SEMA4D: variants seen among roughly 807,000 people sequenced by gnomAD.
SEMA4D encodes the protein semaphorin-4D.
In SEMA4D, 22 loss-of-function variants were observed where a neutral mutation model predicts 74.8. The observed-to-expected ratio is 0.29, with a 90% CI of 0.21 to 0.42. The LOEUF is 0.42. SEMA4D is among the 10% of genes least tolerant of loss of function. The pLI is 1.00. For synonymous variants in SEMA4D, 445 were observed against 463.7 expected (o/e 0.96, Z 0.52); for missense variants, 937 against 1,118.4 (o/e 0.84, Z 2.31).
intron 16 of SEMA4D, chr9:89,364,177 C>T (rs1004894030): frequency 7.1e-6 from 6 of 848,854 alleles, no homozygotes; most frequent in Non-Finnish European, 1.1e-5. Context: ...ACCTTAATTG[C>T]CATTTTTCAA....
chr9:89,366,439 G>C (rs1833684586), intron 16 of SEMA4D, among the ~76,000 whole-genome samples: 1 of 152,176 alleles, frequency 6.6e-6, no homozygotes, highest in Non-Finnish European at 1.5e-5. Context: ...CTCCAAAACT[G>C]TTTTGCCTGG....
intron 16 of SEMA4D, among the ~76,000 whole-genome samples, chr9:89,366,366 A>AT (rs1215762601): frequency 6.6e-6 from 1 of 152,166 alleles, no homozygotes; most frequent in African/African-American, 2.4e-5. Flanking sequence ...TATAATAATA[A>AT]TTTTTTATAA....
chr9:89,446,217 C>T (rs1044333792), intron 2 of SEMA4D, among the ~76,000 whole-genome samples: 7 of 152,162 alleles, frequency 4.6e-5, no homozygotes, highest in Admixed American at 3.3e-4. Flanking sequence ...CCTCTGTGCC[C>T]GATCTCCCTC....
At chr9:89,478,776 A>ACCCCT (rs1563986862) in intron 1 of SEMA4D, among the ~76,000 whole-genome samples, 2 of 72,382 alleles carry the variant, frequency 2.8e-5, no homozygotes, top group African/African-American at 5.4e-5. Context: ...ACCCCACCCC[A>ACCCCT]CCCCACCCCA....
chr9:89,469,672 T>C (rs1213052617), intron 1 of SEMA4D, among the ~76,000 whole-genome samples: 1 of 152,180 alleles, frequency 6.6e-6, no homozygotes, highest in Non-Finnish European at 1.5e-5. Flanking sequence ...CACAGGCATA[T>C]CAATTTATAC....
chr9:89,371,984 G>A (rs1438420671), intron 16 of SEMA4D, among the ~76,000 whole-genome samples: 2 of 126,716 alleles, frequency 1.6e-5, no homozygotes, highest in Non-Finnish European at 1.7e-5. Flanking sequence ...GTGTGTGTCT[G>A]GGGTGTGGTG....
At chr9:89,401,302 C>T (rs537673037) in intron 4 of SEMA4D, among the ~76,000 whole-genome samples, 1 of 152,320 alleles carries the variant, frequency 6.6e-6, no homozygotes, top group African/African-American at 2.4e-5. Flanking sequence ...AGTAATCCGC[C>T]TACCTCGACC....
Position 89,491,942 on chromosome 9 carries a change from G to A in SEMA4D, c.-310+5977C>T, listed in dbSNP as rs185534462. Reference sequence around the variant, plus strand: ...ATGGGGATCCTTCACCAAAGGGGCGGCCCCAGCCAGTCTCTGTCCCTCCCA... The same window carrying A: ...ATGGGGATCCTTCACCAAAGGGGCGACCCCAGCCAGTCTCTGTCCCTCCCA... On this transcript the variant is annotated intron_variant, in intron 1 of 15. Coordinates refer to ENST00000422704, the MANE Select transcript of SEMA4D (RefSeq NM_001371194.2). Among the ~76,000 whole-genome samples the A allele has an allele frequency of 7.2e-5, 11 of 151,830 alleles. No homozygotes were observed. The East Asian group carries it at 2.1e-3, about 30-fold the overall frequency.
chr9:89,372,904 A>G (rs1172330380), downstream of SEMA4D, among the ~76,000 whole-genome samples: 2 of 152,118 alleles, frequency 1.3e-5, no homozygotes, highest in Admixed American at 6.5e-5. Flanking sequence ...TGCCAGGGCC[A>G]TCAGTGGATC....
intron 1 of SEMA4D, among the ~76,000 whole-genome samples, chr9:89,466,002 G>A (rs1424488142): frequency 6.6e-6 from 1 of 152,218 alleles, no homozygotes; most frequent in African/African-American, 2.4e-5. Context: ...GGAGGCAGGG[G>A]GGAAGGTGGG....
chr9:89,455,730 C>T (rs1225372352), intron 2 of SEMA4D, among the ~76,000 whole-genome samples, 158 bp downstream of exon 2: 1 of 152,242 alleles, frequency 6.6e-6, no homozygotes, highest in African/African-American at 2.4e-5. Context: ...CAGAGACAGG[C>T]CTTCCTCCCT....
intron 2 of SEMA4D, among the ~76,000 whole-genome samples, chr9:89,454,061 G>A (rs11265902): frequency 0.17 from 25,383 of 152,024 alleles, 2,667 homozygotes; most frequent in Middle Eastern, 0.26. Flanking sequence ...GTTTCACCAC[G>A]TTAGCCAGGA....
intron 18 of SEMA4D, among the ~76,000 whole-genome samples, chr9:89,363,275 C>A (rs368390278): frequency 1.3e-5 from 2 of 152,164 alleles, no homozygotes; most frequent in Admixed American, 6.5e-5. Context: ...TTTCCCCCCC[C>A]AGTGTTGCAG....
At chr9:89,485,350 C>G (rs1476311760) in intron 1 of SEMA4D, among the ~76,000 whole-genome samples, 5 of 152,106 alleles carry the variant, frequency 3.3e-5, no homozygotes, top group African/African-American at 9.7e-5. Context: ...CAGTAGCTGC[C>G]CAGGTTATAT....
At chr9:89,425,837 T>C (rs1284327389) in intron 2 of SEMA4D, among the ~76,000 whole-genome samples, 1 of 152,202 alleles carries the variant, frequency 6.6e-6, no homozygotes, top group African/African-American at 2.4e-5. Flanking sequence ...CCCAGGACCA[T>C]GACTGGCACA....
chr9:89,364,210 C>A, intron 16 of SEMA4D: 1 of 613,934 alleles, frequency 1.6e-6, no homozygotes, highest in Non-Finnish European at 2.7e-6. Context: ...TGGCCTGTGT[C>A]CCCTAGGACC....
chr9:89,474,993 G>T (rs900519018), intron 1 of SEMA4D, among the ~76,000 whole-genome samples: 4 of 152,238 alleles, frequency 2.6e-5, no homozygotes, highest in African/African-American at 9.6e-5. Context: ...TACAGGGAGG[G>T]TTTCACAGCT....
intron 9 of SEMA4D, among the ~76,000 whole-genome samples, chr9:89,390,675 G>A (rs562277751): frequency 6.6e-6 from 1 of 152,294 alleles, no homozygotes; most frequent in South Asian, 2.1e-4. Flanking sequence ...CAGGGACATG[G>A]CGGCTGTGTT....
Position 89,398,771 on chromosome 9 carries a change from G to A in SEMA4D, c.315+505C>T, listed in dbSNP as rs147861810. 7.4e-3 allele frequency among the ~76,000 whole-genome samples: 1,128 copies of A among 152,326 alleles called. 14 individuals are homozygous for A. The highest frequency in any genetic ancestry group is 0.025 in the African/African-American group (1,032 of 41,572). On this transcript the variant is annotated intron_variant, in intron 5 of 15. Transcript: ENST00000422704. ...TGCTGGCACCCAAAACAGCTGGCCA[G>A]ATCCCACACTTGCTCACTCATGTGC... is the stretch of plus-strand genomic sequence containing the variant.
Sources: allele counts gnomAD v4.1 joint callset (sites outside exome capture counted in the v4.1 genomes callset), GRCh38; gene constraint gnomAD v4.1.1; transcripts MANE v1.5; gene names NCBI Gene and HGNC (gene_info 2026-07-23, HGNC 2026-07-21).